Variants in PCCB observed in about 807,000 individuals in gnomAD.
PCCB encodes propionyl-CoA carboxylase subunit beta, also known as propionyl-CoA carboxylase beta chain, mitochondrial.
PCCB carries 43 observed loss-of-function variants against 60.7 expected under a neutral mutation model. The observed-to-expected ratio is 0.71, with a 90% CI of 0.55 to 0.91. PCCB has a LOEUF of 0.91. Ranked by LOEUF, PCCB falls within the 40% of genes least tolerant of loss-of-function variation. PCCB has a pLI of 0.00. For missense variants in PCCB, 766 were observed against 702.8 expected, an observed-to-expected ratio of 1.09 and a Z score of -1.02; for synonymous variants, 276 against 255.9, an observed-to-expected ratio of 1.08 and a Z score of -0.75.
Position 136,329,921 on chromosome 3 carries a change from C to T in PCCB, c.1515C>T (p.Ile505=), listed in dbSNP as rs2108241650. 6.2e-7 allele frequency: 1 copy of T among 1,614,186 alleles called. No homozygotes were observed. Among genetic ancestry groups the T allele is most frequent in the Non-Finnish European group, 8.5e-7 (1 of 1,180,014 alleles). ...PAAVRGFVDD[I]IQPSSTRARI... ...CTTCACCAGGGTTTGTGGATGACAT[C>T]ATCCAACCTTCTTCCACACGTGCCC... The change falls in exon 15 of 15, where the codon ATC becomes ATT. Residue 505 remains isoleucine, a synonymous_variant. Coordinates refer to ENST00000251654, the MANE Select transcript of PCCB (RefSeq NM_000532.5).
chr3:136,267,734 A>C (rs983682499), intron 5 of PCCB, among the ~76,000 whole-genome samples: 1 of 151,278 alleles, frequency 6.6e-6, no homozygotes. Flanking sequence ...CTGTCCTCCT[A>C]CCTCGGCTTC....
chr3:136,314,474 G>A (rs900475160), intron 9 of PCCB, among the ~76,000 whole-genome samples: 3 of 152,086 alleles, frequency 2.0e-5, no homozygotes, highest in African/African-American at 7.2e-5. Flanking sequence ...GGCCAATACG[G>A]TGAAACCCTG....
At chr3:136,323,003 T>G (rs1480502206) in intron 10 of PCCB, among the ~76,000 whole-genome samples, 17 of 151,632 alleles carry the variant, frequency 1.1e-4, no homozygotes, top group African/African-American at 3.9e-4. Flanking sequence ...GATGAGTTTT[T>G]TTTTTTTTTT....
intron 8 of PCCB, 120 bp downstream of exon 8, chr3:136,298,192 C>A: frequency 8.1e-7 from 1 of 1,227,242 alleles, no homozygotes; most frequent in Non-Finnish European, 1.2e-6. Flanking sequence ...GGTAGAGTGG[C>A]TCCCAGGTGT....
In PCCB at chr3:136,261,938, C is replaced by T; in HGVS notation, c.430-14C>T. On this transcript the variant is annotated splice_polypyrimidine_tract_variant and intron_variant, in intron 4 of 14. Transcript: ENST00000251654. ...GAACATTTGTCTCAATAAAAGATTT[C>T]TCTGCTGTCTCAGATCATGGACCAG... 1 of 1,483,302 alleles carries T rather than the reference C, an allele frequency of 6.7e-7. No homozygotes were observed. Among genetic ancestry groups the T allele is most frequent in the African/African-American group, 1.4e-5 (1 of 71,968 alleles). 91.9% of individuals were successfully genotyped at this position (1,483,302 alleles called of 1,614,324 possible).
At chr3:136,253,497 G>C (rs1215524897) in intron 1 of PCCB, among the ~76,000 whole-genome samples, 1 of 151,384 alleles carries the variant, frequency 6.6e-6, no homozygotes, top group African/African-American at 2.4e-5. Flanking sequence ...TGATTCTCCT[G>C]CGTTAGCCTC....
chr3:136,286,661 A>C (rs772671245), intron 6 of PCCB, among the ~76,000 whole-genome samples: 2 of 152,108 alleles, frequency 1.3e-5, no homozygotes, highest in Non-Finnish European at 2.9e-5. Flanking sequence ...ACGACTACTT[A>C]CTTCTTACTA....
At chr3:136,265,843 T>G (rs1941968131) in intron 5 of PCCB, among the ~76,000 whole-genome samples, 1 of 151,564 alleles carries the variant, frequency 6.6e-6, no homozygotes, top group African/African-American at 2.4e-5. Flanking sequence ...TTTTTTTTTT[T>G]GAGACAGAGT....
intron 5 of PCCB, among the ~76,000 whole-genome samples, chr3:136,277,281 C>T (rs190334070): frequency 3.9e-5 from 6 of 152,178 alleles, no homozygotes; most frequent in African/African-American, 1.4e-4. Flanking sequence ...TTAGGTCATG[C>T]ACTGGTTTTC....
intron 10 of PCCB, among the ~76,000 whole-genome samples, chr3:136,321,636 C>T (rs761390417): frequency 3.3e-5 from 5 of 152,160 alleles, no homozygotes; most frequent in Non-Finnish European, 5.9e-5. Flanking sequence ...CAGTCACCTC[C>T]CTCCCTTGAC....
At chr3:136,328,122 T>C (rs1157351721) in intron 13 of PCCB, among the ~76,000 whole-genome samples, 1 of 152,202 alleles carries the variant, frequency 6.6e-6, no homozygotes, top group Admixed American at 6.5e-5. Context: ...AGAGCTACTC[T>C]TTTAAGCTCA....
At chr3:136,316,717 G>T (rs1047608226) in intron 9 of PCCB, among the ~76,000 whole-genome samples, 2 of 152,074 alleles carry the variant, frequency 1.3e-5, no homozygotes, top group African/African-American at 4.8e-5. Context: ...CTTCATTGGT[G>T]TGTCCATCTT....
At chr3:136,273,597 C>CTTTTTCTTTTTTTTT (rs1942259025) in intron 5 of PCCB, among the ~76,000 whole-genome samples, 1 of 45,222 alleles carries the variant, frequency 2.2e-5, no homozygotes, top group African/African-American at 8.9e-5. Flanking sequence ...TTTCTTTTTT[C>CTTTTTCTTTTTTTTT]TTTTTTTTTT....
intron 10 of PCCB, among the ~76,000 whole-genome samples, chr3:136,319,017 T>G (rs1935013355): frequency 6.6e-6 from 1 of 152,204 alleles, no homozygotes; most frequent in African/African-American, 2.4e-5. Context: ...TCTGCACTAT[T>G]TTACATTCCC....
chr3:136,260,445 A>G (rs753178269), intron 3 of PCCB, 34 bp from the exon 4 acceptor site: 3 of 1,558,640 alleles, frequency 1.9e-6, no homozygotes, highest in Non-Finnish European at 2.7e-6. Context: ...GCCAGTCACT[A>G]TATTTGACTT....
rs1485695587 is a variant in PCCB at position 136,306,000 on chromosome 3, T to G, written c.966+4889T>G. The stretch of plus-strand genomic sequence containing the variant: ...AATACACTGAAGGACACTACATCTT[T>G]CCCCATCACCCTCCCTAAAATTAGT... On this transcript the variant is annotated intron_variant, in intron 9 of 14. Transcript: ENST00000251654. Among the ~76,000 whole-genome samples the G allele has an allele frequency of 3.3e-5, 4 of 121,980 alleles. 2 individuals are homozygous for G. The highest frequency in any genetic ancestry group is 1.2e-3 in the East Asian group (2 of 1,660). 80.0% of individuals were successfully genotyped at this position (121,980 alleles called of 152,430 possible).
chr3:136,293,835 G>A lies in PCCB; in HGVS notation c.734G>A (p.Gly245Asp), dbSNP rs778242891. ...TNEDVTQEEL[G>D]GAKTHTTMSG... Reference sequence around the variant, plus strand: ...GAGGATGTTACCCAGGAGGAGCTCGGTGGTGCCAAGACCCACACCACCATG... The same window carrying A: ...GAGGATGTTACCCAGGAGGAGCTCGATGGTGCCAAGACCCACACCACCATG... The change falls in exon 7 of 15, where the codon GGT becomes GAT. Residue 245 changes from glycine (G) to aspartate (D), a missense_variant. Physicochemically the swap from Gly to Asp is moderately conservative, Grantham distance 94. Coordinates refer to ENST00000251654, the MANE Select transcript of PCCB (RefSeq NM_000532.5). The A allele has an allele frequency of 1.9e-6, 3 of 1,610,358 alleles. No individual in the cohort carries two copies. The highest frequency in any genetic ancestry group is 2.5e-6 in the Non-Finnish European group (3 of 1,176,720).
intron 6 of PCCB, among the ~76,000 whole-genome samples, chr3:136,292,069 C>G (rs1432889023): frequency 6.6e-6 from 1 of 152,144 alleles, no homozygotes; most frequent in African/African-American, 2.4e-5. Flanking sequence ...CAGTTGGTCT[C>G]CAGTTTTGGG....
intron 1 of PCCB, 98 bp from the exon 2 acceptor site, chr3:136,255,758 G>T: frequency 9.8e-7 from 1 of 1,025,124 alleles, no homozygotes. Flanking sequence ...TGAGATCAAC[G>T]GGCAAATCTG....
Sources: allele counts gnomAD v4.1 joint callset (sites outside exome capture counted in the v4.1 genomes callset), GRCh38; gene constraint gnomAD v4.1.1; transcripts MANE v1.5; gene names NCBI Gene and HGNC (gene_info 2026-07-23, HGNC 2026-07-21).